The following SH2D4B variants were observed in gnomAD, a reference collection of about 807,000 sequenced individuals.
SH2D4B encodes SH2 domain containing 4B, also known as SH2 domain-containing protein 4B.
In SH2D4B, 45 loss-of-function variants were observed where a neutral mutation model predicts 61.5. The observed-to-expected ratio is 0.73, with a 90% CI of 0.58 to 0.94. The LOEUF (loss-of-function observed/expected upper bound fraction) is 0.94, where lower values mean the gene tolerates loss of function less well. SH2D4B is among the 40% of genes least tolerant of loss of function. The probability of loss-of-function intolerance (pLI) is 0.00; values close to 1 mark genes in which losing one functional copy is unlikely to be tolerated. For missense variants in SH2D4B, 572 were observed against 574.2 expected, an observed-to-expected ratio of 1.00 and a Z score of 0.04; for synonymous variants, 224 against 220.4, an observed-to-expected ratio of 1.02 and a Z score of -0.14.
chr10:80,593,960 C>T (rs1842360041), intron 4 of SH2D4B, among the ~76,000 whole-genome samples: 1 of 152,124 alleles, frequency 6.6e-6, no homozygotes, highest in South Asian at 2.1e-4. Context: ...CAGATGCACA[C>T]CACCACATCT....
chr10:80,572,478 G>A (rs1842059506), intron 3 of SH2D4B, among the ~76,000 whole-genome samples: 1 of 152,118 alleles, frequency 6.6e-6, no homozygotes, highest in Admixed American at 6.5e-5. Flanking sequence ...AGTTGTTAAC[G>A]TGTGTGCAGA....
chr10:80,626,618 T>C (rs1842769891), intron 6 of SH2D4B, among the ~76,000 whole-genome samples: 1 of 152,192 alleles, frequency 6.6e-6, no homozygotes, highest in African/African-American at 2.4e-5. Context: ...GCCCCATGGG[T>C]GTGTCATGCC....
intron 3 of SH2D4B, among the ~76,000 whole-genome samples, chr10:80,582,673 C>T (rs1387144593): frequency 6.6e-6 from 1 of 152,188 alleles, no homozygotes; most frequent in East Asian, 1.9e-4. Flanking sequence ...TGGACAACAC[C>T]ACCTGCCCTT....
At chr10:80,605,001 G>A (rs1022462314) in intron 5 of SH2D4B, among the ~76,000 whole-genome samples, 1 of 152,104 alleles carries the variant, frequency 6.6e-6, no homozygotes, top group Admixed American at 6.5e-5. Context: ...CACTGTGTTA[G>A]CCAGGATGGT....
intron 3 of SH2D4B, among the ~76,000 whole-genome samples, chr10:80,579,065 G>C (rs1366282854): frequency 6.6e-6 from 1 of 152,128 alleles, no homozygotes; most frequent in East Asian, 1.9e-4. Flanking sequence ...TGACTGCATT[G>C]AGGGATTTTT....
At chr10:80,599,684 G>C (rs902891974) in intron 4 of SH2D4B, among the ~76,000 whole-genome samples, 1 of 152,184 alleles carries the variant, frequency 6.6e-6, no homozygotes, top group African/African-American at 2.4e-5. Context: ...CCTTGGATAA[G>C]GGTTGAGAGA....
intron 6 of SH2D4B, among the ~76,000 whole-genome samples, chr10:80,610,536 T>C (rs1386106134): frequency 6.6e-6 from 1 of 152,190 alleles, no homozygotes; most frequent in Non-Finnish European, 1.5e-5. Context: ...CAGATGAGCC[T>C]TCCCAGGTGG....
chr10:80,622,713 T>A (rs375899263), intron 6 of SH2D4B, among the ~76,000 whole-genome samples: 49 of 152,348 alleles, frequency 3.2e-4, no homozygotes, highest in African/African-American at 1.2e-3. Flanking sequence ...TCAGTTGGTC[T>A]CCTGCTTTCC....
At position 80,634,395 on chromosome 10, in the gene SH2D4B, C is replaced by A; in HGVS notation, c.1099C>A (p.Gln367Lys). 1 of 1,550,586 alleles carries A rather than the reference C, an allele frequency of 6.4e-7. No individual in the cohort carries two copies. Among genetic ancestry groups the A allele is most frequent in the Non-Finnish European group, 8.7e-7 (1 of 1,146,970 alleles). Residue 367 changes from glutamine to lysine, a missense_variant, in exon 7 of 8, where the codon CAG becomes AAG. Physicochemically the swap from Gln to Lys is moderately conservative, Grantham distance 53. Transcript: ENST00000646907. ...GGGTTACACCCTCTCCTACCGCCTG[C>A]AGAAAGGGTTCAAACACTTTCTTGT... ...IWGYTLSYRL[Q>K]KGFKHFLVDA...
chr10:80,549,408 G>T (rs1030952197), intron 1 of SH2D4B, among the ~76,000 whole-genome samples: 2 of 152,166 alleles, frequency 1.3e-5, no homozygotes, highest in Non-Finnish European at 2.9e-5. Context: ...TCACTTTCTG[G>T]CTCCCAGCCT....
intron 1 of SH2D4B, among the ~76,000 whole-genome samples, chr10:80,546,548 C>T (rs1329452647): frequency 3.8e-5 from 5 of 132,258 alleles, no homozygotes; most frequent in South Asian, 2.4e-4. Flanking sequence ...TTTTTTGATA[C>T]GGAGTCTCAC....
intron 4 of SH2D4B, among the ~76,000 whole-genome samples, chr10:80,591,612 C>T (rs770452849): frequency 2.9e-4 from 43 of 148,584 alleles, no homozygotes; most frequent in Non-Finnish European, 5.5e-4. Flanking sequence ...GCTCAAGCAA[C>T]TCTCCTGCCT....
chr10:80,611,247 C>T (rs572696684), intron 6 of SH2D4B, among the ~76,000 whole-genome samples: 12 of 148,376 alleles, frequency 8.1e-5, no homozygotes, highest in Non-Finnish European at 1.8e-4. Flanking sequence ...ACTTGGAGAA[C>T]CACACATTGG....
At chr10:80,579,183 T>G (rs539305757) in intron 3 of SH2D4B, among the ~76,000 whole-genome samples, 10 of 152,142 alleles carry the variant, frequency 6.6e-5, no homozygotes, top group Non-Finnish European at 1.3e-4. Context: ...GCAGCTCATG[T>G]TGAGGATGTA....
At chr10:80,594,411 A>G (rs986768709) in intron 4 of SH2D4B, among the ~76,000 whole-genome samples, 2 of 152,200 alleles carry the variant, frequency 1.3e-5, no homozygotes, top group East Asian at 3.8e-4. Flanking sequence ...AGGATTTTGC[A>G]TCTGTATTCA....
At chr10:80,632,675 G>T (rs1034139389) in intron 6 of SH2D4B, among the ~76,000 whole-genome samples, 1 of 151,930 alleles carries the variant, frequency 6.6e-6, no homozygotes, top group Non-Finnish European at 1.5e-5. Flanking sequence ...TCTGGTGTTG[G>T]GGCAGGGAGG....
At chr10:80,593,742 G>C (rs558367277) in intron 4 of SH2D4B, among the ~76,000 whole-genome samples, 1 of 152,278 alleles carries the variant, frequency 6.6e-6, no homozygotes, top group Admixed American at 6.5e-5. Flanking sequence ...ATGTTGAATG[G>C]AAGTGGCAAA....
intron 1 of SH2D4B, among the ~76,000 whole-genome samples, chr10:80,556,261 G>A (rs1473415296): frequency 6.6e-6 from 1 of 151,970 alleles, no homozygotes; most frequent in African/African-American, 2.4e-5. Flanking sequence ...GACTATTTCA[G>A]GACTCTCCAT....
At chr10:80,591,304 T>A (rs758236672) in intron 4 of SH2D4B, among the ~76,000 whole-genome samples, 1 of 152,072 alleles carries the variant, frequency 6.6e-6, no homozygotes, top group Non-Finnish European at 1.5e-5. Flanking sequence ...TATCTTAGTC[T>A]TCTATTTTTA....
Sources: allele counts gnomAD v4.1 joint callset (sites outside exome capture counted in the v4.1 genomes callset), GRCh38; gene constraint gnomAD v4.1.1; transcripts MANE v1.5; gene names NCBI Gene and HGNC (gene_info 2026-07-23, HGNC 2026-07-21).